Variants in IRAK1BP1 observed in about 807,000 individuals in gnomAD.
IRAK1BP1 encodes the protein interleukin-1 receptor-associated kinase 1-binding protein 1.
A neutral mutation model predicts 28.0 loss-of-function variants in IRAK1BP1; 24 were observed. That is an observed-to-expected ratio of 0.86 (90% confidence interval 0.62 to 1.20). IRAK1BP1 has a LOEUF of 1.20. IRAK1BP1 is among the 50% of genes most tolerant of loss of function. The pLI is 0.00. For synonymous variants in IRAK1BP1, 131 were observed against 116.3 expected (o/e 1.13, Z -0.81); for missense variants, 336 against 316.7 (o/e 1.06, Z -0.46).
intron 2 of IRAK1BP1, among the ~76,000 whole-genome samples, chr6:78,897,587 C>T (rs567420341): frequency 1.2e-4 from 18 of 152,118 alleles, no homozygotes; most frequent in African/African-American, 4.3e-4. Context: ...ATTTAAAAAT[C>T]CCTGGTTTAA....
At chr6:78,871,832 A>G (rs1770803015) in intron 1 of IRAK1BP1, 1 of 416,510 alleles carries the variant, frequency 2.4e-6, no homozygotes, top group South Asian at 6.1e-5. Flanking sequence ...TTAGGTAGGG[A>G]AGATGTCACT....
At position 78,898,919 on chromosome 6, in the gene IRAK1BP1, G is replaced by A. The variant is rs1314233918; in HGVS notation, c.*585G>A. On this transcript the variant is annotated 3_prime_UTR_variant, in exon 4 of 4. Transcript: ENST00000369940. ...TAGTTAGAAGCTAAGTAGTTACCCT[G>A]TTACTTCTTCATGGATGCTAACAGA... The A allele has an allele frequency of 6.6e-6, 1 of 152,092 alleles. No individual in the cohort carries two copies. Among genetic ancestry groups the A allele is most frequent in the Non-Finnish European group, 1.5e-5 (1 of 68,004 alleles). 9.4% of individuals were successfully genotyped at this position (152,092 alleles called of 1,614,324 possible).
At chr6:78,967,333 CACT>C in the IRAK1BP1 span, among the ~76,000 whole-genome samples, 18 of 152,108 alleles carry the variant, frequency 1.2e-4, 1 homozygote, top group East Asian at 3.9e-4. Context: ...TTGACACCAC[CACT>C]ACCTCACACT....
At chr6:78,917,125 AAGGAAAC>A (rs1772581035) in intron 4 of IRAK1BP1, among the ~76,000 whole-genome samples, 1 of 152,152 alleles carries the variant, frequency 6.6e-6, no homozygotes, top group African/African-American at 2.4e-5. Flanking sequence ...ATGGAATTGA[AAGGAAAC>A]TCAATGATAT....
At chr6:78,977,769 G>T in the IRAK1BP1 span, among the ~76,000 whole-genome samples, 1 of 152,126 alleles carries the variant, frequency 6.6e-6, no homozygotes, top group African/African-American at 2.4e-5. Flanking sequence ...GTAATGTTCT[G>T]TGCTCTTCAA....
At chr6:78,940,663 A>G in intron 4 of IRAK1BP1, 4 of 1,421,490 alleles carry the variant, frequency 2.8e-6, no homozygotes, top group Non-Finnish European at 3.8e-6. Context: ...CCTGCTTTAT[A>G]GATTTTGAAG....
chr6:78,974,135 T>C, the IRAK1BP1 span, among the ~76,000 whole-genome samples: 12 of 151,918 alleles, frequency 7.9e-5, no homozygotes, highest in Admixed American at 5.2e-4. Context: ...AGTAAAGCTC[T>C]CCTCAGCAAA....
At chr6:78,969,012 G>C in the IRAK1BP1 span, among the ~76,000 whole-genome samples, 1 of 152,152 alleles carries the variant, frequency 6.6e-6, no homozygotes, top group Non-Finnish European at 1.5e-5. Flanking sequence ...CCTGTTTCCT[G>C]AGGGGATTCC....
At chr6:78,967,662 A>G in the IRAK1BP1 span, among the ~76,000 whole-genome samples, 2 of 152,242 alleles carry the variant, frequency 1.3e-5, no homozygotes, top group South Asian at 4.1e-4. Flanking sequence ...ATAAATTAGA[A>G]TAAAATTGTA....
downstream of IRAK1BP1, among the ~76,000 whole-genome samples, chr6:78,949,879 G>A (rs552705435): frequency 7.6e-4 from 115 of 152,148 alleles, no homozygotes; most frequent in African/African-American, 2.6e-3. Context: ...TGTAAAGACG[G>A]GGTTTTGCCA....
intron 4 of IRAK1BP1, among the ~76,000 whole-genome samples, chr6:78,912,789 G>T (rs530851069): frequency 7.7e-4 from 117 of 152,158 alleles, no homozygotes; most frequent in African/African-American, 2.7e-3. Flanking sequence ...AATTATTATC[G>T]TATGAAGAGA....
At chr6:78,893,314 G>GCATATATATA (rs1771741775) in intron 2 of IRAK1BP1, among the ~76,000 whole-genome samples, 1 of 103,432 alleles carries the variant, frequency 9.7e-6, no homozygotes, top group African/African-American at 3.4e-5. Context: ...GTGTGTGTGT[G>GCATATATATA]TATATATATA....
chr6:78,873,365 T>C (rs2127665696), intron 1 of IRAK1BP1, among the ~76,000 whole-genome samples: 1 of 152,192 alleles, frequency 6.6e-6, no homozygotes, highest in East Asian at 1.9e-4. Flanking sequence ...TATTGAACTT[T>C]CAAAATCTTA....
intron 1 of IRAK1BP1, among the ~76,000 whole-genome samples, chr6:78,880,078 G>T (rs1771169833): frequency 6.9e-6 from 1 of 144,648 alleles, no homozygotes; most frequent in Non-Finnish European, 1.5e-5. Context: ...AAAGACTATA[G>T]CATGAGATTG....
At chr6:78,932,421 CTTTTTTTTTT>C (rs386407659) in intron 4 of IRAK1BP1, among the ~76,000 whole-genome samples, 2 of 123,702 alleles carry the variant, frequency 1.6e-5, no homozygotes, top group African/African-American at 6.1e-5. Context: ...CTTTCTTTTT[CTTTTTTTTTT>C]TTTTTTTGAG....
At chr6:78,949,386 C>G (rs1343934004), downstream of IRAK1BP1, among the ~76,000 whole-genome samples, 1 of 152,064 alleles carries the variant, frequency 6.6e-6, no homozygotes, top group African/African-American at 2.4e-5. Context: ...AAGTATAAAG[C>G]CACAATCAGC....
chr6:78,869,394 C>T (rs929431510), intron 1 of IRAK1BP1, among the ~76,000 whole-genome samples: 1 of 152,176 alleles, frequency 6.6e-6, no homozygotes, highest in South Asian at 2.1e-4. Flanking sequence ...GTGGCACAGT[C>T]CTGTAATCCC....
chr6:78,954,214 G>A, the IRAK1BP1 span, among the ~76,000 whole-genome samples: 1 of 151,700 alleles, frequency 6.6e-6, no homozygotes, highest in South Asian at 2.1e-4. Flanking sequence ...CCATTCTCCT[G>A]CCTCAGCCTC....
chr6:78,945,533 T>A, exon 5 of IRAK1BP1: 1 of 1,270,918 alleles, frequency 7.9e-7, no homozygotes, highest in Non-Finnish European at 1.1e-6. Flanking sequence ...AATTAAGAGT[T>A]ATTGAACCTA....
Sources: gnomAD v4.1 joint callset for allele counts (sites outside exome capture counted in the v4.1 genomes callset) on GRCh38, gnomAD v4.1.1 for gene constraint, MANE v1.5 for transcripts, NCBI Gene and HGNC (gene_info 2026-07-23, HGNC 2026-07-21) for gene names.